The following SLCO3A1 variants were observed in gnomAD, a reference collection of about 807,000 sequenced individuals.
SLCO3A1 encodes the protein PGE1 transporter.
SLCO3A1 carries 27 observed loss-of-function variants against 63.1 expected under a neutral mutation model. The ratio of observed to expected loss-of-function variants is 0.43; its 90% CI spans 0.32 to 0.59. SLCO3A1 has a LOEUF of 0.59. SLCO3A1 is among the 20% of genes least tolerant of loss of function. The pLI is 0.09. For missense variants in SLCO3A1, 773 were observed against 945.8 expected, an observed-to-expected ratio of 0.82 and a Z score of 2.40; for synonymous variants, 473 against 409.9, an observed-to-expected ratio of 1.15 and a Z score of -1.86.
chr15:92,052,971 T>C (rs1272696174), intron 2 of SLCO3A1, among the ~76,000 whole-genome samples: 1 of 152,228 alleles, frequency 6.6e-6, no homozygotes, highest in Non-Finnish European at 1.5e-5. Context: ...ACCCACATTA[T>C]ACTTTTGCTG....
At chr15:92,116,526 C>CG (rs754997343) in intron 4 of SLCO3A1, among the ~76,000 whole-genome samples, 3 of 152,182 alleles carry the variant, frequency 2.0e-5, no homozygotes, top group African/African-American at 7.2e-5. Flanking sequence ...AATCGGTAGG[C>CG]GGGGGGTACA....
intron 7 of SLCO3A1, among the ~76,000 whole-genome samples, chr15:92,137,105 C>T (rs112850316): frequency 2.1e-5 from 3 of 146,278 alleles, no homozygotes; most frequent in East Asian, 3.9e-4. Context: ...GTATATCTCC[C>T]AATGCTATCC....
intron 4 of SLCO3A1, among the ~76,000 whole-genome samples, chr15:92,120,214 T>TA: frequency 6.6e-6 from 1 of 152,282 alleles, no homozygotes; most frequent in Admixed American, 6.5e-5. Flanking sequence ...AAAGTCCTGG[T>TA]ATAGTCTCTC....
chr15:92,053,003 T>C (rs992532941), intron 2 of SLCO3A1, among the ~76,000 whole-genome samples: 7 of 152,198 alleles, frequency 4.6e-5, no homozygotes, highest in African/African-American at 1.7e-4. Flanking sequence ...TCTAGAACTT[T>C]CCAAAATAAA....
At chr15:92,116,438 A>G (rs2047796512) in intron 4 of SLCO3A1, among the ~76,000 whole-genome samples, 1 of 152,168 alleles carries the variant, frequency 6.6e-6, no homozygotes, top group Non-Finnish European at 1.5e-5. Flanking sequence ...TGAGAGTTGA[A>G]AAGGTTTCTC....
chr15:91,941,636 GT>G lies in SLCO3A1; in HGVS notation c.646+25182del. On this transcript the variant is annotated intron_variant, in intron 2 of 9. Coordinates refer to ENST00000318445, the MANE Select transcript of SLCO3A1 (RefSeq NM_013272.4). This position sits in a 1 kb window ranked among gnomAD's most constrained non-coding sequence, Gnocchi z 4.4. ...TTTTGAAGCTTCTAATCTCCCATGGGTTTTGTACTTTTTCTTACTCGGGATG... is the reference window on the plus strand; with the variant it reads ...TTTTGAAGCTTCTAATCTCCCATGGGTTTGTACTTTTTCTTACTCGGGATG... The G allele has an allele frequency of 2.3e-6, 1 of 425,944 alleles. No individual in the cohort carries two copies. Among genetic ancestry groups the G allele is most frequent in the South Asian group, 1.7e-5 (1 of 58,018 alleles). 26.4% of individuals were successfully genotyped at this position (425,944 alleles called of 1,614,324 possible). A position where few individuals can be genotyped will look rare whatever the true frequency, so the allele number is the denominator to read the frequency against.
At position 92,162,443 on chromosome 15, in the gene SLCO3A1, C is replaced by G. The variant is rs2048451430; in HGVS notation, c.1754-313C>G. ...GGAATTACAGGTGTGAGCCACCATG[C>G]CAGACTGATGCTTTCTATGTGTAAA... is the stretch of plus-strand genomic sequence containing the variant. On this transcript the variant is annotated intron_variant, in intron 9 of 9. Transcript: ENST00000318445. 3 of 275,732 alleles carry G rather than the reference C, an allele frequency of 1.1e-5. No individual in the cohort carries two copies. In the South Asian group the frequency reaches 2.0e-4, roughly 18 times the overall value. The allele number at this position is 275,732 out of a possible 1,614,324, so 17.1% of individuals were successfully genotyped here. A position where few individuals can be genotyped will look rare whatever the true frequency, so the allele number is the denominator to read the frequency against.
At position 91,968,435 on chromosome 15, in the gene SLCO3A1, C is replaced by T. The variant is rs917199681; in HGVS notation, c.646+51977C>T. Reference sequence around the variant, plus strand: ...GAGTGGCCCTCTAGAATCCTCCAGCCTGTGCTTATTATGCAGCATGGAGGT... The same window carrying T: ...GAGTGGCCCTCTAGAATCCTCCAGCTTGTGCTTATTATGCAGCATGGAGGT... On this transcript the variant is annotated intron_variant, in intron 2 of 9. Coordinates refer to ENST00000318445, the MANE Select transcript of SLCO3A1 (RefSeq NM_013272.4). This position sits in a 1 kb window ranked among gnomAD's most constrained non-coding sequence, Gnocchi z 4.2. Among the ~76,000 whole-genome samples, 7 of 152,072 alleles carry T rather than the reference C, an allele frequency of 4.6e-5. No individual in the cohort carries two copies. Among genetic ancestry groups the T allele is most frequent in the African/African-American group, 1.7e-4 (7 of 41,386 alleles).
chr15:92,141,743 G>T (rs144168772), intron 7 of SLCO3A1, among the ~76,000 whole-genome samples: 30 of 152,262 alleles, frequency 2.0e-4, no homozygotes, highest in African/African-American at 7.2e-4. Context: ...ACCACACTCG[G>T]ACATCTGAGT....
chr15:92,141,464 G>C (rs2048131005), intron 7 of SLCO3A1, among the ~76,000 whole-genome samples: 1 of 152,142 alleles, frequency 6.6e-6, no homozygotes, highest in Non-Finnish European at 1.5e-5. Flanking sequence ...TATGCTATTG[G>C]GGTTTGGGGT....
Position 92,163,852 on chromosome 15 carries a change from G to A in SLCO3A1, c.*717G>A, listed in dbSNP as rs886643692. On this transcript the variant is annotated 3_prime_UTR_variant, in exon 10 of 10. Transcript: ENST00000318445. Reference sequence around the variant, plus strand: ...TCCATGTTCAAGACTGAGGGCCTGAGGGGGAGCCAGGTGGGGGGCCAGCAC... The same window carrying A: ...TCCATGTTCAAGACTGAGGGCCTGAAGGGGAGCCAGGTGGGGGGCCAGCAC... 24 of 985,472 alleles carry A rather than the reference G, an allele frequency of 2.4e-5. No individual in the cohort carries two copies. The highest frequency in any genetic ancestry group is 2.9e-5 in the Non-Finnish European group (24 of 830,116). The allele number at this position is 985,472 out of a possible 1,614,324, so 61.0% of individuals were successfully genotyped here.
At chr15:91,955,105 G>A (rs369904267) in intron 2 of SLCO3A1, among the ~76,000 whole-genome samples, 23 of 152,180 alleles carry the variant, frequency 1.5e-4, no homozygotes, top group African/African-American at 5.3e-4. Flanking sequence ...TGTTGCAGGT[G>A]CTCCACAAAC....
At chr15:92,095,967 T>C (rs564923680) in intron 3 of SLCO3A1, among the ~76,000 whole-genome samples, 3 of 152,338 alleles carry the variant, frequency 2.0e-5, no homozygotes, top group South Asian at 2.1e-4. Context: ...TGGTTTCCTG[T>C]TGCTGCATAA....
chr15:92,142,593 G>A (rs147571392), intron 7 of SLCO3A1, among the ~76,000 whole-genome samples: 4 of 152,166 alleles, frequency 2.6e-5, no homozygotes. Context: ...CTTGGGTCAA[G>A]GGACACCGAA....
intron 2 of SLCO3A1, among the ~76,000 whole-genome samples, chr15:91,990,521 T>C (rs905542394): frequency 6.6e-6 from 1 of 152,050 alleles, no homozygotes; most frequent in African/African-American, 2.4e-5. Context: ...CTTAAGGCAC[T>C]GTTCTTAACC....
Position 92,148,471 on chromosome 15 carries a change from C to T in SLCO3A1, c.1688+1312C>T, listed in dbSNP as rs535492101. 8.5e-5 allele frequency among the ~76,000 whole-genome samples: 13 copies of T among 152,298 alleles called. No individual in the cohort carries two copies. In the East Asian group the frequency reaches 2.5e-3, roughly 29 times the overall value. On this transcript the variant is annotated intron_variant, in intron 8 of 9. Coordinates refer to ENST00000318445, the MANE Select transcript of SLCO3A1 (RefSeq NM_013272.4). Reference sequence around the variant, plus strand: ...TCATTAGCAAGGCCTTGCGAATGTGCAGAGCATTAGGGTATAATAGCAAAT... The same window carrying T: ...TCATTAGCAAGGCCTTGCGAATGTGTAGAGCATTAGGGTATAATAGCAAAT...
At chr15:91,965,685 G>C (rs1488835019) in intron 2 of SLCO3A1, among the ~76,000 whole-genome samples, 7 of 151,894 alleles carry the variant, frequency 4.6e-5, no homozygotes, top group African/African-American at 1.7e-4. Flanking sequence ...GGAATCTTTT[G>C]TCTACAGGTG....
chr15:92,066,555 G>T (rs2047154405), intron 2 of SLCO3A1, among the ~76,000 whole-genome samples: 1 of 152,212 alleles, frequency 6.6e-6, no homozygotes, highest in Non-Finnish European at 1.5e-5. Flanking sequence ...TGTCTTACTG[G>T]TGAGTTCAAG....
intron 2 of SLCO3A1, among the ~76,000 whole-genome samples, chr15:92,037,907 C>G (rs1468198355): frequency 1.3e-5 from 2 of 152,166 alleles, no homozygotes; most frequent in African/African-American, 4.8e-5. Context: ...TGGTTTATGA[C>G]AAGGTGATCT....
Sources: allele counts gnomAD v4.1 joint callset (sites outside exome capture counted in the v4.1 genomes callset), GRCh38; gene constraint gnomAD v4.1.1; non-coding constraint Gnocchi (gnomAD v3.1); transcripts MANE v1.5; gene names NCBI Gene and HGNC (gene_info 2026-07-23, HGNC 2026-07-21).